Variants in GRIN2A observed in about 807,000 individuals in gnomAD.
GRIN2A encodes glutamate ionotropic receptor NMDA type subunit 2A, also known as glutamate receptor ionotropic, NMDA 2A.
In GRIN2A, 22 loss-of-function variants were observed where a neutral mutation model predicts 113.4. The observed-to-expected ratio is 0.19, with a 90% CI of 0.14 to 0.28. GRIN2A has a LOEUF of 0.28. GRIN2A is among the 10% of genes least tolerant of loss of function. GRIN2A has a pLI of 1.00. For synonymous variants in GRIN2A, 827 were observed against 738.4 expected (o/e 1.12, Z -1.94); for missense variants, 1,502 against 1,887.0 (o/e 0.80, Z 3.78).
chr16:9,881,853 A>G (rs970607428), intron 4 of GRIN2A, among the ~76,000 whole-genome samples: 1 of 152,210 alleles, frequency 6.6e-6, no homozygotes, highest in Non-Finnish European at 1.5e-5. Flanking sequence ...ATGTTCTTCA[A>G]TTTTAGCAAT....
At chr16:10,044,054 C>CAGAG (rs1264720860) in intron 2 of GRIN2A, among the ~76,000 whole-genome samples, 157 of 123,586 alleles carry the variant, frequency 1.3e-3, no homozygotes, top group Non-Finnish European at 1.9e-3. Flanking sequence ...GAGACAGAGA[C>CAGAG]AGAGACAGAG....
At chr16:9,957,664 G>A (rs940782021) in intron 2 of GRIN2A, among the ~76,000 whole-genome samples, 2 of 152,132 alleles carry the variant, frequency 1.3e-5, no homozygotes, top group African/African-American at 4.8e-5. Flanking sequence ...TAGCAATAGG[G>A]CCAGAATTAC....
At chr16:9,919,428 C>G (rs1452566672) in intron 3 of GRIN2A, among the ~76,000 whole-genome samples, 1 of 152,048 alleles carries the variant, frequency 6.6e-6, no homozygotes, top group African/African-American at 2.4e-5. Flanking sequence ...AGATAGTGTG[C>G]CCATTCCTGA....
At chr16:10,074,835 T>C (rs9931653) in intron 2 of GRIN2A, among the ~76,000 whole-genome samples, 14,492 of 152,256 alleles carry the variant, frequency 0.095, 770 homozygotes, top group African/African-American at 0.11. Flanking sequence ...GTCAATATAC[T>C]AAAAAGCATT....
chr16:9,926,445 T>C (rs1304962695), intron 3 of GRIN2A, among the ~76,000 whole-genome samples: 1 of 152,222 alleles, frequency 6.6e-6, no homozygotes, highest in Non-Finnish European at 1.5e-5. Context: ...AGTAAGAATG[T>C]TTGACCAGTA....
chr16:9,976,341 G>T (rs2045772978), intron 2 of GRIN2A, among the ~76,000 whole-genome samples: 1 of 152,142 alleles, frequency 6.6e-6, no homozygotes. Context: ...CATATTCTGG[G>T]AAACACTTAT....
At position 9,937,805 on chromosome 16, in the gene GRIN2A, A is replaced by C. The variant is rs372863943; in HGVS notation, c.1007+154T>G. 255 of 647,050 alleles carry C rather than the reference A, an allele frequency of 3.9e-4. 7 individuals carry two copies. The South Asian group carries it at 4.5e-3, about 11-fold the overall frequency. The allele number at this position is 647,050 out of a possible 1,614,324, so 40.1% of individuals were successfully genotyped here. ...ACTTTTCTTACAAAGGAGATGAAAG[A>C]AAGAGAGAGGAGAGCAAAATAAAAG... On this transcript the variant is annotated intron_variant, in intron 3 of 12. Coordinates refer to ENST00000330684, the MANE Select transcript of GRIN2A (RefSeq NM_001134407.3).
chr16:10,064,393 G>T (rs1293122334), intron 2 of GRIN2A, among the ~76,000 whole-genome samples: 1 of 152,178 alleles, frequency 6.6e-6, no homozygotes, highest in Non-Finnish European at 1.5e-5. Flanking sequence ...CTGAGGTCTT[G>T]CCTGATTCCC....
intron 2 of GRIN2A, among the ~76,000 whole-genome samples, chr16:10,068,317 C>T (rs1360237272): frequency 3.3e-5 from 5 of 152,146 alleles, no homozygotes; most frequent in East Asian, 1.9e-4. Flanking sequence ...AAAGAAAAGA[C>T]GTTTAATTGG....
intron 3 of GRIN2A, among the ~76,000 whole-genome samples, chr16:9,928,831 C>G (rs1334442753): frequency 6.6e-6 from 1 of 152,238 alleles, no homozygotes. Context: ...ACTTGCCATA[C>G]TTTCTCAATG....
chr16:10,069,696 A>T (rs960884033), intron 2 of GRIN2A, among the ~76,000 whole-genome samples: 3 of 152,266 alleles, frequency 2.0e-5, no homozygotes, highest in Non-Finnish European at 4.4e-5. Flanking sequence ...ACAGGGAAAG[A>T]TATTTCCAGG....
At position 9,903,212 on chromosome 16, in the gene GRIN2A, G is replaced by A. The variant is rs909267728; in HGVS notation, c.1008-12112C>T. ...TCTCAATCTCCTGACCTCATGATCCGCCACCTCGGCCTCCCAAAGTGCTGG... is the reference window on the plus strand; with the variant it reads ...TCTCAATCTCCTGACCTCATGATCCACCACCTCGGCCTCCCAAAGTGCTGG... On this transcript the variant is annotated intron_variant, in intron 3 of 12. Coordinates refer to ENST00000330684, the MANE Select transcript of GRIN2A (RefSeq NM_001134407.3). Among the ~76,000 whole-genome samples the A allele has an allele frequency of 8.6e-5, 13 of 151,758 alleles. No individual in the cohort carries two copies. In the East Asian group the frequency reaches 1.7e-3, roughly 20 times the overall value.
chr16:10,021,169 C>G (rs2046713586), intron 2 of GRIN2A, among the ~76,000 whole-genome samples: 1 of 152,170 alleles, frequency 6.6e-6, no homozygotes, highest in Non-Finnish European at 1.5e-5. Flanking sequence ...AAGACCACAG[C>G]TGGGTCCCCT....
At chr16:9,830,564 A>G (rs1301153101) in intron 8 of GRIN2A, among the ~76,000 whole-genome samples, 1 of 151,926 alleles carries the variant, frequency 6.6e-6, no homozygotes, top group Non-Finnish European at 1.5e-5. Context: ...TTTTTATGTC[A>G]TTTAAGTAAA....
At chr16:10,133,167 T>C (rs2049103086) in intron 2 of GRIN2A, among the ~76,000 whole-genome samples, 1 of 152,228 alleles carries the variant, frequency 6.6e-6, no homozygotes, top group Non-Finnish European at 1.5e-5. Context: ...CCATAAATCA[T>C]AACATTTATA....
intron 2 of GRIN2A, among the ~76,000 whole-genome samples, chr16:10,135,823 T>C (rs1306649216): frequency 1.3e-5 from 2 of 152,166 alleles, no homozygotes; most frequent in South Asian, 4.1e-4. Flanking sequence ...TTATCTAAGA[T>C]AACCTCCCTT....
At chr16:9,976,149 T>G (rs1330140792) in intron 2 of GRIN2A, among the ~76,000 whole-genome samples, 1 of 152,238 alleles carries the variant, frequency 6.6e-6, no homozygotes, top group Non-Finnish European at 1.5e-5. Flanking sequence ...GGAAATTTTA[T>G]AGCTTACATA....
chr16:9,932,926 G>A (rs1034506489), intron 3 of GRIN2A, among the ~76,000 whole-genome samples: 4 of 152,086 alleles, frequency 2.6e-5, no homozygotes, highest in Admixed American at 2.0e-4. Context: ...CTGCCTCCCA[G>A]GGGGCCCTGG....
chr16:9,764,585 T>C lies in GRIN2A; in HGVS notation c.2959A>G (p.Thr987Ala), dbSNP rs2141135709. ...GTGTTAGGGTTGGACTCATTGAGAGTAAGAGGATGTTGTCCCTGGAATACA... is the reference window on the plus strand; with the variant it reads ...GTGTTAGGGTTGGACTCATTGAGAGCAAGAGGATGTTGTCCCTGGAATACA... ...NYVFQGQHPL[T>A]LNESNPNTVE... is the part of the protein sequence containing the mutation. Residue 987 changes from threonine (T) to alanine (A), a missense_variant, in exon 13 of 13, where the codon ACT becomes GCT. Physicochemically the swap from Thr to Ala is moderately conservative, Grantham distance 58. Coordinates refer to ENST00000330684, the MANE Select transcript of GRIN2A (RefSeq NM_001134407.3). 6.2e-7 allele frequency: 1 copy of C among 1,614,016 alleles called. No individual in the cohort carries two copies. Among genetic ancestry groups the C allele is most frequent in the South Asian group, 1.1e-5 (1 of 91,082 alleles).
Sources: gnomAD v4.1 joint callset for allele counts (sites outside exome capture counted in the v4.1 genomes callset) on GRCh38, gnomAD v4.1.1 for gene constraint, MANE v1.5 for transcripts, NCBI Gene and HGNC (gene_info 2026-07-23, HGNC 2026-07-21) for gene names.